CNTN5: variants seen among roughly 807,000 people sequenced by gnomAD.
CNTN5 encodes contactin 5.
In CNTN5, 77 loss-of-function variants were observed where a neutral mutation model predicts 129.1. The observed-to-expected ratio is 0.60, with a 90% CI of 0.50 to 0.72. The LOEUF is 0.72. Ranked by LOEUF, CNTN5 falls within the 30% of genes least tolerant of loss-of-function variation. CNTN5 has a pLI of 0.00. For synonymous variants in CNTN5, 509 were observed against 465.6 expected (o/e 1.09, Z -1.20); for missense variants, 1,478 against 1,328.8 (o/e 1.11, Z -1.75).
At chr11:100,051,463 A>G (rs1337936028) in intron 9 of CNTN5, among the ~76,000 whole-genome samples, 2 of 151,984 alleles carry the variant, frequency 1.3e-5, no homozygotes, top group African/African-American at 4.8e-5. Flanking sequence ...TGAAAACACA[A>G]CATGTGTGTG....
intron 1 of CNTN5, among the ~76,000 whole-genome samples, chr11:99,138,148 C>T (rs1859328579): frequency 6.6e-6 from 1 of 151,792 alleles, no homozygotes; most frequent in Non-Finnish European, 1.5e-5. Context: ...TTTTTATTAC[C>T]TCAATATATC....
chr11:100,016,532 G>C (rs1027971133), intron 9 of CNTN5, among the ~76,000 whole-genome samples: 2 of 151,814 alleles, frequency 1.3e-5, no homozygotes, highest in African/African-American at 4.8e-5. Flanking sequence ...ATTATATCTA[G>C]GCATTTTCTA....
intron 1 of CNTN5, among the ~76,000 whole-genome samples, chr11:99,263,099 G>A (rs1033892312): frequency 1.3e-5 from 2 of 152,082 alleles, no homozygotes; most frequent in Non-Finnish European, 2.9e-5. Flanking sequence ...GAAGTCCTCT[G>A]AAAACCAATA....
intron 1 of CNTN5, among the ~76,000 whole-genome samples, chr11:99,249,389 T>G (rs1861985083): frequency 6.6e-6 from 1 of 152,116 alleles, no homozygotes; most frequent in African/African-American, 2.4e-5. Context: ...TTCAATGACC[T>G]AAAAACTGTT....
At chr11:99,405,057 C>A (rs1942012578) in intron 2 of CNTN5, among the ~76,000 whole-genome samples, 1 of 152,150 alleles carries the variant, frequency 6.6e-6, no homozygotes, top group South Asian at 2.1e-4. Context: ...CTCTCCTAGC[C>A]TGTAAGGTTT....
chr11:100,345,577 TA>T (rs5794052), intron 23 of CNTN5, among the ~76,000 whole-genome samples: 103 of 146,646 alleles, frequency 7.0e-4, no homozygotes, highest in African/African-American at 1.2e-3. Context: ...TAACAGATAT[TA>T]AAAAAAAAAA....
chr11:100,041,755 G>A (rs973714470), intron 9 of CNTN5, among the ~76,000 whole-genome samples: 1 of 152,112 alleles, frequency 6.6e-6, no homozygotes, highest in African/African-American at 2.4e-5. Flanking sequence ...AAAAACAATG[G>A]TAAAAACATA....
At chr11:99,514,124 G>A (rs1404352261) in intron 2 of CNTN5, among the ~76,000 whole-genome samples, 3 of 151,988 alleles carry the variant, frequency 2.0e-5, no homozygotes, top group African/African-American at 4.8e-5. Flanking sequence ...CCAAGACTTC[G>A]GTGGAGGAAG....
chr11:100,285,883 A>G (rs956557423), intron 18 of CNTN5, among the ~76,000 whole-genome samples: 10 of 152,136 alleles, frequency 6.6e-5, no homozygotes, highest in Non-Finnish European at 1.5e-4. Flanking sequence ...CAGTGGGCGC[A>G]GGTCAGTGGG....
At chr11:99,754,083 A>G (rs1216516868) in intron 3 of CNTN5, among the ~76,000 whole-genome samples, 2 of 152,062 alleles carry the variant, frequency 1.3e-5, no homozygotes, top group Non-Finnish European at 1.5e-5. Flanking sequence ...ATTCAGGGCT[A>G]TCGTTTAGGT....
chr11:99,596,001 G>T (rs1482820331), intron 3 of CNTN5, among the ~76,000 whole-genome samples: 15 of 152,054 alleles, frequency 9.9e-5, no homozygotes, highest in East Asian at 5.8e-4. Flanking sequence ...TTGCATTTCA[G>T]CAAGATCCCC....
chr11:99,418,435 A>G (rs1942754615), intron 2 of CNTN5, among the ~76,000 whole-genome samples: 2 of 152,196 alleles, frequency 1.3e-5, no homozygotes, highest in African/African-American at 4.8e-5. Flanking sequence ...CCTGGAAAGA[A>G]GAGGGTGTTA....
At chr11:99,657,395 A>C (rs2135903483) in intron 3 of CNTN5, among the ~76,000 whole-genome samples, 1 of 152,132 alleles carries the variant, frequency 6.6e-6, no homozygotes, top group Non-Finnish European at 1.5e-5. Context: ...TGGTCTAAGG[A>C]CCGGAAGTAC....
chr11:99,473,731 C>G (rs1438228974), intron 2 of CNTN5, among the ~76,000 whole-genome samples: 1 of 151,846 alleles, frequency 6.6e-6, no homozygotes, highest in East Asian at 1.9e-4. Context: ...AATTTAAACT[C>G]TAATTCACAG....
intron 13 of CNTN5, among the ~76,000 whole-genome samples, chr11:100,148,520 C>G (rs1327863409): frequency 6.6e-6 from 1 of 152,114 alleles, no homozygotes; most frequent in African/African-American, 2.4e-5. Context: ...TTGTCACCCC[C>G]CAAACCGGTG....
chr11:99,248,160 G>A (rs540490587), intron 1 of CNTN5, among the ~76,000 whole-genome samples: 5,631 of 152,152 alleles, frequency 0.037, 355 homozygotes, highest in African/African-American at 0.13. Context: ...CATTCTAACT[G>A]GTGTGAGATG....
intron 3 of CNTN5, among the ~76,000 whole-genome samples, chr11:99,590,195 C>T (rs1039587574): frequency 6.6e-6 from 1 of 152,006 alleles, no homozygotes; most frequent in Non-Finnish European, 1.5e-5. Flanking sequence ...TTATACAAGT[C>T]AAATAAAGCA....
At chr11:99,941,853 A>G (rs1337227291) in intron 7 of CNTN5, among the ~76,000 whole-genome samples, 1 of 152,120 alleles carries the variant, frequency 6.6e-6, no homozygotes, top group African/African-American at 2.4e-5. Context: ...AGTTAAAAAG[A>G]GTCAGGCAAA....
At chr11:99,861,375 T>A (rs1273233928) in intron 6 of CNTN5, among the ~76,000 whole-genome samples, 1 of 152,212 alleles carries the variant, frequency 6.6e-6, no homozygotes, top group African/African-American at 2.4e-5. Context: ...GGTCATGCTT[T>A]CTTAAAATCT....
Sources: gnomAD v4.1 joint callset for allele counts (sites outside exome capture counted in the v4.1 genomes callset) on GRCh38, gnomAD v4.1.1 for gene constraint, MANE v1.5 for transcripts, NCBI Gene and HGNC (gene_info 2026-07-23, HGNC 2026-07-21) for gene names.